The following SRRM1 variants were observed in gnomAD, a reference collection of about 807,000 sequenced individuals.
SRRM1 encodes the protein serine/arginine repetitive matrix protein 1.
A neutral mutation model predicts 110.2 loss-of-function variants in SRRM1; 19 were observed. The ratio of observed to expected loss-of-function variants is 0.17; its 90% CI spans 0.12 to 0.25. SRRM1 has a LOEUF of 0.25. SRRM1 is among the 10% of genes least tolerant of loss of function. The probability of loss-of-function intolerance (pLI) is 1.00; values close to 1 mark genes in which losing one functional copy is unlikely to be tolerated. For synonymous variants in SRRM1, 443 were observed against 414.9 expected, an observed-to-expected ratio of 1.07 and a Z score of -0.82; for missense variants, 918 against 1,145.8, an observed-to-expected ratio of 0.80 and a Z score of 2.87.
At chr1:24,668,538 A>G (rs1456148862) in intron 13 of SRRM1, among the ~76,000 whole-genome samples, 2 of 152,210 alleles carry the variant, frequency 1.3e-5, no homozygotes. Flanking sequence ...TCCAAGAGGA[A>G]ATTAGGCAGT....
intron 6 of SRRM1, 90 bp downstream of exon 6, chr1:24,651,702 T>A: frequency 9.7e-7 from 1 of 1,028,274 alleles, no homozygotes; most frequent in Non-Finnish European, 1.4e-6. Flanking sequence ...TAAAACTACT[T>A]ATTTTCCTTT....
chr1:24,652,996 C>T lies in SRRM1; in HGVS notation c.1004C>T (p.Pro335Leu), dbSNP rs144082896. ...RRTPPRRMPP[P>L]PRHRRSRSPV... ...ACTCCGCCAAGAAGAATGCCTCCTC[C>T]ACCAAGGCATAGAAGGAGTAGATCT... Residue 335 changes from proline to leucine, a missense_variant, in exon 8 of 17, where the codon CCA becomes CTA. By Grantham distance (98) the Pro-to-Leu change is moderately conservative. Around this residue, in one of 5 missense-constraint regions of SRRM1, gnomAD observed 456 missense variants for 453.5 expected, o/e 1.01. Transcript: ENST00000323848. 3.9e-3 allele frequency: 6,351 copies of T among 1,613,808 alleles called. 19 individuals are homozygous for T. The highest frequency in any genetic ancestry group is 4.8e-3 in the Non-Finnish European group (5,624 of 1,179,822).
At chr1:24,648,258 G>A (rs1346980924) in intron 3 of SRRM1, 1 of 152,204 alleles carries the variant, frequency 6.6e-6, no homozygotes, top group African/African-American at 2.4e-5. Context: ...TTATTTTTGA[G>A]AAATCTTGAC....
chr1:24,645,948 T>G (rs763152000), intron 1 of SRRM1, 36 bp from the exon 2 acceptor site: 40 of 1,576,536 alleles, frequency 2.5e-5, no homozygotes, highest in Non-Finnish European at 3.3e-5. Context: ...GATTTAACTT[T>G]GAACCCTTAG....
chr1:24,644,220 C>CT (rs1227891889), intron 1 of SRRM1, among the ~76,000 whole-genome samples: 4 of 152,236 alleles, frequency 2.6e-5, no homozygotes, highest in East Asian at 1.9e-4. Context: ...GGGGCCCACA[C>CT]TTTATCAGGC....
Position 24,648,861 on chromosome 1 carries a change from T to A in SRRM1, c.237T>A (p.Asn79Lys). ...EFIFNQLEVK[N>K]PDSKMMQINL... Reference sequence around the variant, plus strand: ...CTTCCTGTCGTGTCTTTTTGCAGAATCCAGACTCCAAAATGATGCAAATCA... The same window carrying A: ...CTTCCTGTCGTGTCTTTTTGCAGAAACCAGACTCCAAAATGATGCAAATCA... Residue 79 changes from asparagine to lysine, a missense_variant and splice_region_variant, in exon 4 of 17, where the codon AAT becomes AAA. Asn to Lys is a moderately conservative substitution (Grantham distance 94). Coordinates refer to ENST00000323848, the MANE Select transcript of SRRM1 (RefSeq NM_005839.4). 1 of 1,610,092 alleles carries A rather than the reference T, an allele frequency of 6.2e-7. No individual in the cohort carries two copies. Among genetic ancestry groups the A allele is most frequent in the Non-Finnish European group, 8.5e-7 (1 of 1,179,344 alleles).
chr1:24,668,057 C>T (rs1571100177), intron 13 of SRRM1, among the ~76,000 whole-genome samples: 1 of 147,582 alleles, frequency 6.8e-6, no homozygotes, highest in Non-Finnish European at 1.5e-5. Flanking sequence ...CTGTAACCTC[C>T]GCCTCCTGGG....
rs139727838 is a variant in SRRM1, at chr1:24,669,354, A to G, written c.1971A>G (p.Ser657=). 2.5e-6 allele frequency: 4 copies of G among 1,614,016 alleles called. No homozygotes were observed. The highest frequency in any genetic ancestry group is 2.7e-5 in the African/African-American group (2 of 74,892). The part of the protein sequence containing the change: ...PVTKRRSPSL[S]SKHRKGSSPS... ...CCAAGAGACGTTCACCTTCATTATC[A>G]TCCAAGCATAGGAAAGGGTCTTCCC... is the stretch of plus-strand genomic sequence containing the variant. Residue 657 remains serine, a synonymous_variant, in exon 14 of 17, where the codon TCA becomes TCG. Transcript: ENST00000323848.
chr1:24,652,052 A>ATATATATATATATATATATATATT (rs1661167668), intron 6 of SRRM1, among the ~76,000 whole-genome samples: 1 of 132,362 alleles, frequency 7.6e-6, no homozygotes, highest in Non-Finnish European at 1.6e-5. Context: ...ATATATATAT[A>ATATATATATATATATATATATATT]TATATATATA....
At chr1:24,647,957 C>G (rs1441908419) in intron 3 of SRRM1, 2 of 152,134 alleles carry the variant, frequency 1.3e-5, no homozygotes, top group African/African-American at 4.8e-5. Context: ...AAGTTTAGAA[C>G]TTTTTAAGAC....
At chr1:24,672,093 G>A in intron 16 of SRRM1, 89 bp from the exon 17 acceptor site, 2 of 995,186 alleles carry the variant, frequency 2.0e-6, no homozygotes, top group Admixed American at 2.2e-5. Flanking sequence ...GGTGTGTGAT[G>A]TTCCCCTCCC....
chr1:24,666,610 A>T (rs111281328), intron 12 of SRRM1: 17,117 of 455,882 alleles, frequency 0.038, 430 homozygotes, highest in Non-Finnish European at 0.049. Flanking sequence ...AAAATATTTT[A>T]AAAAATTAGC....
At chr1:24,668,991 T>C (rs1043516743) in intron 13 of SRRM1, 132 bp from the exon 14 acceptor site, 3 of 686,512 alleles carry the variant, frequency 4.4e-6, no homozygotes, top group Non-Finnish European at 7.3e-6. Context: ...AATATAAAGA[T>C]AGCATGTTCA....
intron 9 of SRRM1, among the ~76,000 whole-genome samples, chr1:24,660,348 CT>C (rs1666516928): frequency 6.6e-6 from 1 of 152,190 alleles, no homozygotes; most frequent in Admixed American, 6.5e-5. Flanking sequence ...CATTGTAGAA[CT>C]TTTTGAGGCT....
intron 1 of SRRM1, 31 bp from the exon 2 acceptor site, chr1:24,645,953 C>A (rs1477670393): frequency 3.8e-6 from 6 of 1,584,866 alleles, no homozygotes; most frequent in East Asian, 4.5e-5. Context: ...AACTTTGAAC[C>A]CTTAGTTAAG....
chr1:24,662,265 T>G (rs889633995), intron 11 of SRRM1, among the ~76,000 whole-genome samples: 4 of 152,164 alleles, frequency 2.6e-5, no homozygotes, highest in African/African-American at 9.7e-5. Context: ...CTGGCCAACA[T>G]GGCAAAACCT....
intron 3 of SRRM1, chr1:24,648,431 G>C (rs189562900): frequency 6.5e-6 from 1 of 154,646 alleles, no homozygotes; most frequent in Non-Finnish European, 1.4e-5. Flanking sequence ...AAAGCTATCT[G>C]TAGTGTTAGG....
Position 24,669,939 on chromosome 1 carries a change from G to T in SRRM1, c.2205-181G>T. On this transcript the variant is annotated intron_variant, in intron 14 of 16. Transcript: ENST00000323848. The stretch of plus-strand genomic sequence containing the variant: ...AACAGAATAGATAGAGGATTATGGG[G>T]CTTTAGCCACCCTCTGGGAAACATA... 5 of 621,362 alleles carry T rather than the reference G, an allele frequency of 8.0e-6. No individual in the cohort carries two copies. In the South Asian group the frequency reaches 1.2e-4, roughly 15 times the overall value. 38.5% of individuals were successfully genotyped at this position (621,362 alleles called of 1,614,324 possible).
chr1:24,669,335 G>T lies in SRRM1; in HGVS notation c.1952G>T (p.Arg651Ile), dbSNP rs144308305. The change falls in exon 14 of 17, where the codon AGA becomes ATA. Residue 651 changes from arginine (R) to isoleucine (I), a missense_variant. Physicochemically the swap from Arg to Ile is moderately conservative, Grantham distance 97. This residue lies in a region of SRRM1 where 357 missense variants were observed against 402.9 expected (regional missense o/e 0.89). Transcript: ENST00000323848. ...CAAAGAAGCTCCCCAGTCACCAAGAGACGTTCACCTTCATTATCATCCAAG... is the reference window on the plus strand; with the variant it reads ...CAAAGAAGCTCCCCAGTCACCAAGATACGTTCACCTTCATTATCATCCAAG... ...PKQRSSPVTK[R>I]RSPSLSSKHR... is the part of the protein sequence containing the mutation. 209 of 1,614,094 alleles carry T rather than the reference G, an allele frequency of 1.3e-4. No individual in the cohort carries two copies. The African/African-American group carries it at 2.6e-3, about 20-fold the overall frequency.
Sources: gnomAD v4.1 joint callset for allele counts (sites outside exome capture counted in the v4.1 genomes callset) on GRCh38, gnomAD v4.1.1 for gene constraint, gnomAD v4.1.1 regional missense constraint, MANE v1.5 for transcripts, NCBI Gene and HGNC (gene_info 2026-07-23, HGNC 2026-07-21) for gene names.